RSRC1: variants seen among roughly 807,000 people sequenced by gnomAD.
RSRC1 encodes serine/Arginine-related protein 53.
Under a neutral mutation model 49.1 loss-of-function variants are expected in RSRC1, and 39 were observed. The ratio of observed to expected loss-of-function variants is 0.79; its 90% CI spans 0.61 to 1.04. The LOEUF is 1.04. RSRC1 is among the 50% of genes least tolerant of loss of function. RSRC1 has a pLI of 0.00. For missense variants in RSRC1, 388 were observed against 402.4 expected, an observed-to-expected ratio of 0.96 and a Z score of 0.31; for synonymous variants, 143 against 130.8, an observed-to-expected ratio of 1.09 and a Z score of -0.63.
chr3:158,212,917 T>C (rs1721763832), intron 4 of RSRC1, among the ~76,000 whole-genome samples: 1 of 151,996 alleles, frequency 6.6e-6, no homozygotes, highest in Non-Finnish European at 1.5e-5. Flanking sequence ...CTGCTGTGTA[T>C]TTTTTTAAAA....
chr3:158,147,252 C>T (rs1239649874), intron 3 of RSRC1, among the ~76,000 whole-genome samples: 1 of 151,458 alleles, frequency 6.6e-6, no homozygotes, highest in African/African-American at 2.4e-5. Context: ...TATTTTTTTC[C>T]ATGTGTGAGA....
chr3:158,254,726 CTGGCCGT>C (rs1040350712), intron 4 of RSRC1, among the ~76,000 whole-genome samples: 5 of 152,088 alleles, frequency 3.3e-5, no homozygotes, highest in African/African-American at 1.2e-4. Flanking sequence ...GTGACCGCAC[CTGGCCGT>C]TTCCTGACTT....
At chr3:158,373,074 A>T (rs1732166898) in intron 6 of RSRC1, among the ~76,000 whole-genome samples, 2 of 151,818 alleles carry the variant, frequency 1.3e-5, no homozygotes, top group Non-Finnish European at 3.0e-5. Context: ...TCACTTAGAG[A>T]TTACTAGTTT....
At chr3:158,115,185 T>C (rs12696067) in intron 1 of RSRC1, among the ~76,000 whole-genome samples, 98,759 of 152,038 alleles carry the variant, frequency 0.65, 32,324 homozygotes, top group East Asian at 0.83. Flanking sequence ...GAAGGACTTT[T>C]GTTATCTTTC....
At chr3:158,288,149 G>A (rs1726687066) in intron 4 of RSRC1, among the ~76,000 whole-genome samples, 1 of 152,044 alleles carries the variant, frequency 6.6e-6, no homozygotes, top group African/African-American at 2.4e-5. Context: ...TCTTCTCTGG[G>A]CAGGGTACTC....
chr3:158,233,089 T>C (rs1723055621), intron 4 of RSRC1, among the ~76,000 whole-genome samples: 1 of 152,104 alleles, frequency 6.6e-6, no homozygotes, highest in African/African-American at 2.4e-5. Flanking sequence ...AGCAATGTGA[T>C]TGTGACCTTA....
intron 1 of RSRC1, among the ~76,000 whole-genome samples, chr3:158,118,462 T>TGC (rs1378375739): frequency 0.035 from 4,302 of 124,562 alleles, 131 homozygotes; most frequent in East Asian, 0.04. Flanking sequence ...TGTGTGTGTG[T>TGC]GCGCGTGCGC....
intron 1 of RSRC1, among the ~76,000 whole-genome samples, chr3:158,114,409 A>G (rs1326648237): frequency 6.6e-6 from 1 of 152,156 alleles, no homozygotes; most frequent in Non-Finnish European, 1.5e-5. Context: ...GCCTGGTAGT[A>G]TAGTTTGAAG....
chr3:158,387,817 T>C (rs1292978371), intron 6 of RSRC1, among the ~76,000 whole-genome samples: 1 of 152,208 alleles, frequency 6.6e-6, no homozygotes, highest in Non-Finnish European at 1.5e-5. Context: ...AATCATAGTT[T>C]GATGCATAGA....
At chr3:158,444,056 T>C (rs924019001) in intron 6 of RSRC1, among the ~76,000 whole-genome samples, 6 of 152,184 alleles carry the variant, frequency 3.9e-5, no homozygotes, top group African/African-American at 1.4e-4. Context: ...CAAAAATCAC[T>C]GATCACAGGT....
At chr3:158,511,305 G>A (rs2108473662) in intron 7 of RSRC1, among the ~76,000 whole-genome samples, 1 of 151,436 alleles carries the variant, frequency 6.6e-6, no homozygotes. Context: ...CCCTTCCTGT[G>A]TCCATGTGTT....
At chr3:158,477,883 C>T (rs2108431837) in intron 7 of RSRC1, among the ~76,000 whole-genome samples, 1 of 145,818 alleles carries the variant, frequency 6.9e-6, no homozygotes, top group African/African-American at 2.6e-5. Flanking sequence ...ATATGAACAC[C>T]TTTCAAAGTT....
intron 6 of RSRC1, among the ~76,000 whole-genome samples, chr3:158,457,729 T>TG (rs1200529202): frequency 2.7e-4 from 25 of 94,274 alleles, no homozygotes; most frequent in South Asian, 9.5e-4. Context: ...TTGTGTTTTG[T>TG]GTTTTTTTTT....
rs191140259 is a variant in RSRC1 at position 158,328,622 on chromosome 3, C to T, written c.532-26235C>T. Among the ~76,000 whole-genome samples the T allele has an allele frequency of 1.8e-4, 28 of 152,268 alleles. No homozygotes were observed. The East Asian group carries it at 3.1e-3, about 17-fold the overall frequency. On this transcript the variant is annotated intron_variant, in intron 5 of 9. Coordinates refer to ENST00000611884, the MANE Select transcript of RSRC1 (RefSeq NM_001271838.2). ...GATCAGCTGTTAGTCTGATGGGCTTCCCTTTGTGGGTAACCCAACCTTTCT... is the reference window on the plus strand; with the variant it reads ...GATCAGCTGTTAGTCTGATGGGCTTTCCTTTGTGGGTAACCCAACCTTTCT...
chr3:158,369,354 G>GC (rs767368409), intron 6 of RSRC1, among the ~76,000 whole-genome samples: 4 of 151,826 alleles, frequency 2.6e-5, no homozygotes, highest in Non-Finnish European at 5.9e-5. Context: ...CTTCCTATGA[G>GC]CCATTTTTCC....
intron 5 of RSRC1, among the ~76,000 whole-genome samples, chr3:158,319,564 T>C (rs1728646957): frequency 6.6e-6 from 1 of 152,216 alleles, no homozygotes; most frequent in Non-Finnish European, 1.5e-5. Context: ...GTAGGCTGTT[T>C]AGCTACATTT....
chr3:158,140,981 C>G (rs938616230), intron 3 of RSRC1, among the ~76,000 whole-genome samples: 1 of 152,194 alleles, frequency 6.6e-6, no homozygotes, highest in African/African-American at 2.4e-5. Flanking sequence ...GCTGTAGTAT[C>G]ACGGAGCATT....
At chr3:158,351,032 A>T (rs1453973142) in intron 5 of RSRC1, among the ~76,000 whole-genome samples, 1 of 152,210 alleles carries the variant, frequency 6.6e-6, no homozygotes, top group Non-Finnish European at 1.5e-5. Context: ...AAATAACTAT[A>T]GATAGCAGTC....
At chr3:158,160,247 A>G (rs993132435) in intron 3 of RSRC1, among the ~76,000 whole-genome samples, 4 of 152,118 alleles carry the variant, frequency 2.6e-5, no homozygotes, top group African/African-American at 9.7e-5. Context: ...AGAAATCTTC[A>G]ATGCCCCAAG....
Sources: allele counts gnomAD v4.1 joint callset (sites outside exome capture counted in the v4.1 genomes callset), GRCh38; gene constraint gnomAD v4.1.1; transcripts MANE v1.5; gene names NCBI Gene and HGNC (gene_info 2026-07-23, HGNC 2026-07-21).